CPNE4: variants seen among roughly 807,000 people sequenced by gnomAD.
CPNE4 encodes copine 4.
In CPNE4, 25 loss-of-function variants were observed where a neutral mutation model predicts 67.9. The ratio of observed to expected loss-of-function variants is 0.37; its 90% CI spans 0.27 to 0.51. The LOEUF is 0.51. CPNE4 is among the 20% of genes least tolerant of loss of function. The pLI is 0.93. For synonymous variants in CPNE4, 242 were observed against 244.9 expected, an observed-to-expected ratio of 0.99 and a Z score of 0.11; for missense variants, 464 against 690.8, an observed-to-expected ratio of 0.67 and a Z score of 3.68.
At chr3:131,806,549 C>CAAAAA (rs58302207) in intron 2 of CPNE4, among the ~76,000 whole-genome samples, 8 of 72,930 alleles carry the variant, frequency 1.1e-4, no homozygotes, top group Middle Eastern at 7.4e-3. Flanking sequence ...GACTCCGTCT[C>CAAAAA]AAAAAAAAAA....
At chr3:131,794,241 CTTTTTT>C (rs560693108) in intron 2 of CPNE4, among the ~76,000 whole-genome samples, 1 of 142,034 alleles carries the variant, frequency 7.0e-6, no homozygotes, top group Non-Finnish European at 1.5e-5. Flanking sequence ...TTGGAAACAA[CTTTTTT>C]TTTTTTTTTT....
chr3:131,987,816 C>T (rs73208136), intron 1 of CPNE4, among the ~76,000 whole-genome samples: 10,876 of 152,208 alleles, frequency 0.071, 397 homozygotes, highest in East Asian at 0.14. Context: ...TTCTGATGCT[C>T]GATAGCATCT....
At chr3:131,738,463 A>C (rs1337998776) in intron 2 of CPNE4, among the ~76,000 whole-genome samples, 1 of 22,106 alleles carries the variant, frequency 4.5e-5, no homozygotes, top group African/African-American at 2.1e-4. Flanking sequence ...CCTTTCATAT[A>C]ATCAGAAATA....
intron 1 of CPNE4, among the ~76,000 whole-genome samples, chr3:132,001,603 G>GAAAGA (rs2073449823): frequency 4.7e-5 from 7 of 149,100 alleles, no homozygotes; most frequent in African/African-American, 1.7e-4. Context: ...AAGAAAGAAA[G>GAAAGA]AAAGAAAGAA....
At chr3:131,540,607 A>G (rs929654617) in intron 15 of CPNE4, among the ~76,000 whole-genome samples, 6 of 152,196 alleles carry the variant, frequency 3.9e-5, no homozygotes, top group Non-Finnish European at 8.8e-5. Context: ...TTCCTTACAC[A>G]GTATAGGTGA....
intron 2 of CPNE4, among the ~76,000 whole-genome samples, chr3:131,844,386 C>G (rs1005945529): frequency 2.0e-5 from 3 of 151,998 alleles, no homozygotes; most frequent in Non-Finnish European, 4.4e-5. Context: ...CCTGCCTCAG[C>G]CTCCTGAGTA....
chr3:131,693,384 A>G (rs2081074876), intron 5 of CPNE4, among the ~76,000 whole-genome samples: 1 of 152,130 alleles, frequency 6.6e-6, no homozygotes, highest in African/African-American at 2.4e-5. Flanking sequence ...AATAAAATAA[A>G]CCTACTACAT....
At chr3:131,694,801 C>T (rs570252930) in intron 5 of CPNE4, among the ~76,000 whole-genome samples, 122 of 152,280 alleles carry the variant, frequency 8.0e-4, no homozygotes, top group African/African-American at 2.8e-3. Context: ...ACAAGCTCAT[C>T]CACAAGCTGA....
At chr3:131,727,296 A>G (rs1448247273) in intron 2 of CPNE4, among the ~76,000 whole-genome samples, 1 of 152,186 alleles carries the variant, frequency 6.6e-6, no homozygotes, top group East Asian at 1.9e-4. Context: ...AGAAGCTTTT[A>G]AAAATATCTA....
chr3:131,833,481 C>A (rs995364228), intron 2 of CPNE4, among the ~76,000 whole-genome samples: 1 of 152,040 alleles, frequency 6.6e-6, no homozygotes, highest in Non-Finnish European at 1.5e-5. Flanking sequence ...ATCACTTGAG[C>A]CCAGGAGTTT....
upstream of CPNE4, chr3:132,037,415 T>C (rs1236760146): frequency 3.1e-6 from 2 of 650,686 alleles, no homozygotes; most frequent in Non-Finnish European, 5.4e-6. Context: ...TTATATGAAA[T>C]CAACAGCTCA....
At chr3:131,762,979 A>T (rs1216933290) in intron 2 of CPNE4, among the ~76,000 whole-genome samples, 1 of 152,030 alleles carries the variant, frequency 6.6e-6, no homozygotes, top group Admixed American at 6.6e-5. Flanking sequence ...GGGGAAGGAG[A>T]TAAGGCAGGA....
At chr3:131,900,641 G>A (rs901147060) in intron 2 of CPNE4, among the ~76,000 whole-genome samples, 5 of 152,084 alleles carry the variant, frequency 3.3e-5, no homozygotes, top group African/African-American at 4.8e-5. Context: ...AAGCCATAGT[G>A]CTCAATACAT....
At chr3:131,777,787 T>C (rs183516690) in intron 2 of CPNE4, among the ~76,000 whole-genome samples, 15 of 152,208 alleles carry the variant, frequency 9.9e-5, no homozygotes, top group Non-Finnish European at 1.8e-4. Flanking sequence ...GGTAAGGATG[T>C]ACAATGGAAA....
intron 3 of CPNE4, among the ~76,000 whole-genome samples, chr3:131,715,250 C>A (rs2081654448): frequency 6.6e-6 from 1 of 152,136 alleles, no homozygotes; most frequent in African/African-American, 2.4e-5. Flanking sequence ...AAAGTAAATT[C>A]AGTAGAGAAG....
intron 2 of CPNE4, among the ~76,000 whole-genome samples, chr3:131,839,473 TTTAG>T (rs1209122933): frequency 6.6e-6 from 1 of 151,392 alleles, no homozygotes; most frequent in African/African-American, 2.4e-5. Context: ...GATTTATATA[TTTAG>T]TTAATAGTGT....
At chr3:131,766,806 A>T (rs1265625502) in intron 2 of CPNE4, among the ~76,000 whole-genome samples, 1 of 152,008 alleles carries the variant, frequency 6.6e-6, no homozygotes, top group Non-Finnish European at 1.5e-5. Context: ...TAAGATGCAC[A>T]GTTTTCACAG....
At position 131,865,934 on chromosome 3, in the gene CPNE4, CT is replaced by C. The variant is rs143217714; in HGVS notation, c.180+39329del. Among the ~76,000 whole-genome samples the C allele has an allele frequency of 7.0e-3, 1,068 of 152,306 alleles. 15 individuals carry two copies. The highest frequency in any genetic ancestry group is 0.023 in the African/African-American group (967 of 41,558). On this transcript the variant is annotated intron_variant, in intron 2 of 15. Coordinates refer to ENST00000429747, the MANE Select transcript of CPNE4 (RefSeq NM_130808.3). Reference sequence around the variant, plus strand: ...CTTCTATGGGGAGCTGTAAATAGACCTTTGGCATTGTCCCAAGTTGGGCCAA... The same window carrying C: ...CTTCTATGGGGAGCTGTAAATAGACCTTGGCATTGTCCCAAGTTGGGCCAA...
chr3:131,691,850 C>T (rs1196259922), intron 5 of CPNE4, among the ~76,000 whole-genome samples: 1 of 152,114 alleles, frequency 6.6e-6, no homozygotes, highest in East Asian at 1.9e-4. Flanking sequence ...AATTCATAAG[C>T]ACCTCAAAAT....
Sources: allele counts gnomAD v4.1 joint callset (sites outside exome capture counted in the v4.1 genomes callset), GRCh38; gene constraint gnomAD v4.1.1; transcripts MANE v1.5; gene names NCBI Gene and HGNC (gene_info 2026-07-23, HGNC 2026-07-21).